The following NUMB variants were observed in gnomAD, a reference collection of about 807,000 sequenced individuals.
NUMB encodes protein numb homolog.
A neutral mutation model predicts 59.7 loss-of-function variants in NUMB; 29 were observed. That is an observed-to-expected ratio of 0.49 (90% CI 0.36 to 0.66). The LOEUF (loss-of-function observed/expected upper bound fraction) is 0.66. Among genes scored for constraint, NUMB ranks in the 30% least tolerant of loss-of-function variants. The pLI is 0.00. For synonymous variants in NUMB, 288 were observed against 288.2 expected (o/e 1.00, Z 0.01); for missense variants, 723 against 822.0 (o/e 0.88, Z 1.47).
At chr14:73,389,335 CTTTA>C (rs1165241880) in intron 2 of NUMB, among the ~76,000 whole-genome samples, 3 of 140,490 alleles carry the variant, frequency 2.1e-5, no homozygotes, top group African/African-American at 5.1e-5. Flanking sequence ...CATATCTTCT[CTTTA>C]TTTATTTTTT....
intron 1 of NUMB, among the ~76,000 whole-genome samples, chr14:73,449,172 C>T (rs1006273731): frequency 6.6e-6 from 1 of 151,934 alleles, no homozygotes; most frequent in East Asian, 1.9e-4. Context: ...TTTGCACCAA[C>T]CTAATATTAA....
At chr14:73,290,068 T>C (rs1314557495) in intron 8 of NUMB, among the ~76,000 whole-genome samples, 1 of 152,202 alleles carries the variant, frequency 6.6e-6, no homozygotes, top group Non-Finnish European at 1.5e-5. Flanking sequence ...TTTGATACAG[T>C]AGAACTATTG....
At chr14:73,381,600 TCTAA>T (rs1225689804) in intron 2 of NUMB, among the ~76,000 whole-genome samples, 2 of 152,288 alleles carry the variant, frequency 1.3e-5, no homozygotes, top group African/African-American at 4.8e-5. Flanking sequence ...CATCCCCCAC[TCTAA>T]CTAAGCCAGC....
intron 4 of NUMB, 96 bp downstream of exon 4, chr14:73,355,530 G>T: frequency 3.6e-6 from 4 of 1,096,014 alleles, no homozygotes; most frequent in South Asian, 2.6e-5. Context: ...TTGTTTTTTG[G>T]AAGACTCTCT....
At chr14:73,335,081 A>G (rs1216645878) in intron 4 of NUMB, among the ~76,000 whole-genome samples, 2 of 151,772 alleles carry the variant, frequency 1.3e-5, no homozygotes, top group African/African-American at 4.8e-5. Flanking sequence ...TTCATTTTCC[A>G]TATTAAGGCT....
At chr14:73,417,409 C>T (rs1048889562) in intron 1 of NUMB, among the ~76,000 whole-genome samples, 1 of 152,018 alleles carries the variant, frequency 6.6e-6, no homozygotes, top group South Asian at 2.1e-4. Context: ...GTTCCCCCTC[C>T]TGTAAGGGGT....
chr14:73,451,177 A>AC (rs1303802495), intron 1 of NUMB, among the ~76,000 whole-genome samples: 12 of 147,170 alleles, frequency 8.2e-5, no homozygotes, highest in African/African-American at 2.8e-4. Context: ...AAAAAAAACA[A>AC]AAAACAAATC....
At chr14:73,405,897 T>TAA (rs1896640896) in intron 2 of NUMB, among the ~76,000 whole-genome samples, 2 of 152,060 alleles carry the variant, frequency 1.3e-5, no homozygotes, top group South Asian at 4.2e-4. Flanking sequence ...CCAATTGGCA[T>TAA]AATAAAAACT....
At chr14:73,400,359 T>C (rs1896353654) in intron 2 of NUMB, among the ~76,000 whole-genome samples, 1 of 152,224 alleles carries the variant, frequency 6.6e-6, no homozygotes, top group Non-Finnish European at 1.5e-5. Context: ...ATGCATGTCA[T>C]TACATTTGCC....
intron 1 of NUMB, among the ~76,000 whole-genome samples, chr14:73,415,936 AAG>A (rs1897110578): frequency 6.6e-6 from 1 of 151,556 alleles, no homozygotes; most frequent in South Asian, 2.1e-4. Context: ...CTACAAAAGA[AAG>A]AAAAAAAATC....
chr14:73,303,583 C>CGATG (rs1158187851), intron 6 of NUMB, among the ~76,000 whole-genome samples: 1 of 150,916 alleles, frequency 6.6e-6, no homozygotes, highest in African/African-American at 2.4e-5. Flanking sequence ...GACTCCATCT[C>CGATG]AAAAACAAAA....
chr14:73,418,272 C>A (rs572047196), intron 1 of NUMB, among the ~76,000 whole-genome samples: 1 of 151,960 alleles, frequency 6.6e-6, no homozygotes, highest in Non-Finnish European at 1.5e-5. Flanking sequence ...TATAAGATAA[C>A]CAGAATAGTC....
At chr14:73,279,568 T>A in intron 11 of NUMB, 144 bp from the exon 12 acceptor site, 1 of 682,902 alleles carries the variant, frequency 1.5e-6, no homozygotes, top group Non-Finnish European at 2.3e-6. Flanking sequence ...AACCATGATA[T>A]CTTGCATTGG....
Position 73,372,869 on chromosome 14 carries a change from T to C in NUMB, c.-100-5888A>G, listed in dbSNP as rs1894779275. Among the ~76,000 whole-genome samples the C allele has an allele frequency of 1.3e-5, 2 of 152,210 alleles. 1 individual carries two copies. The highest frequency in any genetic ancestry group is 1.3e-4 in the Admixed American group (2 of 15,270). On this transcript the variant is annotated intron_variant, in intron 2 of 12. Coordinates refer to ENST00000555238, the MANE Select transcript of NUMB (RefSeq NM_001005743.2). ...CACTGTTTATATATTCATTACTGTT[T>C]ATATTTCTGTTCACCTTGAGTTTAA...
chr14:73,410,157 T>TG (rs1896839287), intron 1 of NUMB, 89 bp from the exon 2 acceptor site: 1 of 152,248 alleles, frequency 6.6e-6, no homozygotes, highest in Non-Finnish European at 1.5e-5. Flanking sequence ...TAAGGACTGA[T>TG]GGAGTTGGTT....
At chr14:73,403,034 T>C (rs562301560) in intron 2 of NUMB, among the ~76,000 whole-genome samples, 2 of 152,338 alleles carry the variant, frequency 1.3e-5, no homozygotes, top group South Asian at 2.1e-4. Flanking sequence ...TTGCCTCTCA[T>C]TACAGAGGCC....
rs886221972 is a variant in NUMB at position 73,426,143 on chromosome 14, A to G, written c.-232-16075T>C. Among the ~76,000 whole-genome samples the G allele has an allele frequency of 1.3e-4, 20 of 152,162 alleles. 1 individual carries two copies. The highest frequency in any genetic ancestry group is 1.1e-3 in the Admixed American group (17 of 15,256). ...TAAAGATGAGAAAATGTGGCTTTGA[A>G]AGAAGGCAAGATTTGAAATCTTGGC... On this transcript the variant is annotated intron_variant, in intron 1 of 12. Transcript: ENST00000555238.
chr14:73,403,340 A>C (rs17182391), intron 2 of NUMB, among the ~76,000 whole-genome samples: 1 of 152,088 alleles, frequency 6.6e-6, no homozygotes, highest in Non-Finnish European at 1.5e-5. Context: ...TTACAGCCTG[A>C]TTCACCCATT....
At chr14:73,350,324 C>T (rs1179256148) in intron 4 of NUMB, among the ~76,000 whole-genome samples, 2 of 151,764 alleles carry the variant, frequency 1.3e-5, no homozygotes, top group Non-Finnish European at 2.9e-5. Flanking sequence ...CAGGCATGTA[C>T]ACCATGCCTG....
Sources: gnomAD v4.1 joint callset for allele counts (sites outside exome capture counted in the v4.1 genomes callset) on GRCh38, gnomAD v4.1.1 for gene constraint, MANE v1.5 for transcripts, NCBI Gene and HGNC (gene_info 2026-07-23, HGNC 2026-07-21) for gene names.